SRPK2: variants seen among roughly 807,000 people sequenced by gnomAD.
SRPK2 encodes SRSF protein kinase 2, also known as SFRS protein kinase 2.
Under a neutral mutation model 90.8 loss-of-function variants are expected in SRPK2, and 21 were observed. That is an observed-to-expected ratio of 0.23 (90% CI 0.16 to 0.33). SRPK2 has a LOEUF of 0.33. Among genes scored for constraint, SRPK2 ranks in the 10% least tolerant of loss-of-function variants. The pLI is 1.00. For synonymous variants in SRPK2, 288 were observed against 311.1 expected (o/e 0.93, Z 0.78); for missense variants, 620 against 869.0 (o/e 0.71, Z 3.60).
At chr7:105,274,231 A>C (rs1053893674) in intron 2 of SRPK2, among the ~76,000 whole-genome samples, 1 of 152,122 alleles carries the variant, frequency 6.6e-6, no homozygotes, top group African/African-American at 2.4e-5. Flanking sequence ...CAAGCCTCCA[A>C]AAAAAAATTA....
At chr7:105,221,159 T>C (rs1440288862) in intron 2 of SRPK2, among the ~76,000 whole-genome samples, 3 of 152,172 alleles carry the variant, frequency 2.0e-5, no homozygotes, top group African/African-American at 7.2e-5. Flanking sequence ...CAAAACACCC[T>C]TCATAAAGTT....
chr7:105,143,655 G>C (rs535429847), intron 9 of SRPK2: 1 of 287,500 alleles, frequency 3.5e-6, no homozygotes, highest in Non-Finnish European at 6.6e-6. Context: ...AGCTCCTCTT[G>C]CAAGTTTTAT....
intron 2 of SRPK2, among the ~76,000 whole-genome samples, chr7:105,305,903 A>C (rs1811093993): frequency 6.6e-6 from 1 of 152,250 alleles, no homozygotes; most frequent in Admixed American, 6.5e-5. Context: ...GGGAGGTACA[A>C]ATCATGGGAA....
intron 2 of SRPK2, among the ~76,000 whole-genome samples, chr7:105,349,680 T>C (rs922566544): frequency 1.3e-5 from 2 of 152,066 alleles, no homozygotes; most frequent in Non-Finnish European, 2.9e-5. Flanking sequence ...AAACCAGAGA[T>C]AACTGAACAG....
rs972986917 is a variant in SRPK2, at chr7:105,171,452, T to C, written c.230-2187A>G. ...CATTCTTTTAACATTTGCTTTTTTA[T>C]TGTAAAGATGTTATTTCTTTTTTAA... On this transcript the variant is annotated intron_variant, in intron 3 of 15. Transcript: ENST00000393651. Among the ~76,000 whole-genome samples, 7 of 152,356 alleles carry C rather than the reference T, an allele frequency of 4.6e-5. No individual in the cohort carries two copies. In the South Asian group the frequency reaches 1.2e-3, roughly 27 times the overall value.
chr7:105,196,739 T>C (rs947165826), intron 3 of SRPK2, among the ~76,000 whole-genome samples: 7 of 152,194 alleles, frequency 4.6e-5, no homozygotes, highest in African/African-American at 1.7e-4. Context: ...TTAAGGTTCT[T>C]TGCTTTTTTT....
chr7:105,227,893 C>CAAAAAAAAAAA (rs566478716), intron 2 of SRPK2, among the ~76,000 whole-genome samples: 13 of 84,672 alleles, frequency 1.5e-4, no homozygotes, highest in Middle Eastern at 7.7e-3. Context: ...TATCATTCAG[C>CAAAAAAAAAAA]AAAAAAAAAA....
intron 2 of SRPK2, among the ~76,000 whole-genome samples, chr7:105,314,301 C>T (rs1812065081): frequency 6.6e-6 from 1 of 152,120 alleles, no homozygotes; most frequent in African/African-American, 2.4e-5. Context: ...CACTGCACTC[C>T]AGCCTGGACG....
chr7:105,317,577 G>C (rs1301595061), intron 2 of SRPK2, among the ~76,000 whole-genome samples: 3 of 152,168 alleles, frequency 2.0e-5, no homozygotes, highest in East Asian at 3.9e-4. Context: ...TTGCTTTAAA[G>C]AAAATATACA....
intron 7 of SRPK2, among the ~76,000 whole-genome samples, chr7:105,155,074 A>G (rs1806304299): frequency 6.6e-6 from 1 of 151,100 alleles, no homozygotes; most frequent in Non-Finnish European, 1.5e-5. Context: ...TCCGCCTCCC[A>G]AGTCCAAGTG....
Position 105,120,394 on chromosome 7 carries a change from T to C in SRPK2, c.1916-2372A>G, listed in dbSNP as rs1240541101. ...AAAAGAGAAGTTTTACCACTATAAA[T>C]GCTTAACAGCTGCATAGTAACAGTG... On this transcript the variant is annotated intron_variant, in intron 15 of 15. Coordinates refer to ENST00000393651, the MANE Select transcript of SRPK2 (RefSeq NM_182692.3). 2.0e-5 allele frequency among the ~76,000 whole-genome samples: 3 copies of C among 152,180 alleles called. No homozygotes were observed. The East Asian group carries it at 5.8e-4, about 29-fold the overall frequency.
rs1230460659 is a variant in SRPK2, at chr7:105,159,464, A to ACAAAAAAAAAAACAAAAAAAAAAAC, written c.621+1042_621+1043insGTTTTTTTTTTTGTTTTTTTTTTTG. 3.2e-3 allele frequency among the ~76,000 whole-genome samples: 447 copies of ACAAAAAAAAAAACAAAAAAAAAAAC among 141,608 alleles called. 17 individuals carry two copies. The highest frequency in any genetic ancestry group is 0.013 in the African/African-American group (425 of 33,960). The allele number at this position is 141,608 out of a possible 152,430, so 92.9% of individuals were successfully genotyped here. A position where few individuals can be genotyped will look rare whatever the true frequency, so the allele number is the denominator to read the frequency against. On this transcript the variant is annotated intron_variant, in intron 7 of 15. Coordinates refer to ENST00000393651, the MANE Select transcript of SRPK2 (RefSeq NM_182692.3). ...CTCCGTCTCCAAAAAAAAAAAAAAA[A>ACAAAAAAAAAAACAAAAAAAAAAAC]AAAAAAAAACCGTACAAAAGGAAGA...
At chr7:105,277,054 C>G (rs1806600626) in intron 2 of SRPK2, among the ~76,000 whole-genome samples, 1 of 151,530 alleles carries the variant, frequency 6.6e-6, no homozygotes, top group Non-Finnish European at 1.5e-5. Context: ...CTTATGGAGC[C>G]CTTCTTGGTG....
chr7:105,393,948 A>AG (rs1262055203), upstream of SRPK2, among the ~76,000 whole-genome samples: 1 of 151,724 alleles, frequency 6.6e-6, no homozygotes, highest in Non-Finnish European at 1.5e-5. Flanking sequence ...AAAAAAAAAA[A>AG]TTGCTCCCCC....
chr7:105,324,183 A>G (rs372952604), intron 2 of SRPK2, among the ~76,000 whole-genome samples: 176 of 151,384 alleles, frequency 1.2e-3, no homozygotes, highest in African/African-American at 4.0e-3. Context: ...TTTTTTTTGT[A>G]TTTTTAGTAG....
chr7:105,397,297 T>C (rs181095814), intron 1 of SRPK2, among the ~76,000 whole-genome samples: 1 of 151,726 alleles, frequency 6.6e-6, no homozygotes, highest in African/African-American at 2.4e-5. Context: ...ATTAAAGGCA[T>C]GAGCCACCAT....
At chr7:105,382,146 C>T (rs564028876) in intron 2 of SRPK2, among the ~76,000 whole-genome samples, 12 of 141,286 alleles carry the variant, frequency 8.5e-5, no homozygotes, top group Admixed American at 2.2e-4. Context: ...CCAGCCTGGG[C>T]GACAGAGCAA....
At chr7:105,270,354 G>A (rs1041634783) in intron 2 of SRPK2, among the ~76,000 whole-genome samples, 2 of 151,724 alleles carry the variant, frequency 1.3e-5, no homozygotes, top group East Asian at 3.9e-4. Context: ...ATTTTGGAAG[G>A]AGCAGGGTGT....
At chr7:105,161,486 T>C (rs1228921657) in intron 6 of SRPK2, among the ~76,000 whole-genome samples, 3 of 152,338 alleles carry the variant, frequency 2.0e-5, no homozygotes, top group East Asian at 3.9e-4. Context: ...AACCCCACTG[T>C]AGGCATGAGG....
Sources: allele counts gnomAD v4.1 joint callset (sites outside exome capture counted in the v4.1 genomes callset), GRCh38; gene constraint gnomAD v4.1.1; transcripts MANE v1.5; gene names NCBI Gene and HGNC (gene_info 2026-07-23, HGNC 2026-07-21).